SNTG2: variants seen among roughly 807,000 people sequenced by gnomAD.
The protein encoded by SNTG2 is gamma-2-syntrophin.
SNTG2 carries 74 observed loss-of-function variants against 70.9 expected under a neutral mutation model. The ratio of observed to expected loss-of-function variants is 1.04; its 90% CI spans 0.86 to 1.27. The LOEUF (loss-of-function observed/expected upper bound fraction) is 1.27, where lower values mean the gene tolerates loss of function less well. Among genes scored for constraint, SNTG2 ranks in the 50% most tolerant of loss-of-function variants. SNTG2 has a pLI of 0.00. For missense variants in SNTG2, 717 were observed against 690.7 expected (o/e 1.04, Z -0.43); for synonymous variants, 278 against 273.8 (o/e 1.02, Z -0.15).
At chr2:1,143,599 T>C (rs1668894815) in intron 6 of SNTG2, among the ~76,000 whole-genome samples, 1 of 151,556 alleles carries the variant, frequency 6.6e-6, no homozygotes, top group South Asian at 2.1e-4. Context: ...CCAATGTCAG[T>C]GACTCACTCC....
intron 14 of SNTG2, among the ~76,000 whole-genome samples, chr2:1,298,399 G>T (rs933060725): frequency 6.6e-6 from 1 of 152,188 alleles, no homozygotes; most frequent in African/African-American, 2.4e-5. Flanking sequence ...CTCCCAAAGT[G>T]CTGGGATTAC....
intron 1 of SNTG2, among the ~76,000 whole-genome samples, chr2:973,485 T>C (rs1660810730): frequency 6.6e-6 from 1 of 151,934 alleles, no homozygotes. Context: ...ATTAACCTGT[T>C]TGGGATTCTC....
At chr2:1,184,791 G>A (rs540081923) in intron 8 of SNTG2, among the ~76,000 whole-genome samples, 2 of 152,280 alleles carry the variant, frequency 1.3e-5, no homozygotes, top group Admixed American at 1.3e-4. Flanking sequence ...TTTGGGCAGA[G>A]ACACAAATCC....
At chr2:1,143,446 C>T (rs1558450795) in intron 6 of SNTG2, among the ~76,000 whole-genome samples, 1 of 152,144 alleles carries the variant, frequency 6.6e-6, no homozygotes, top group South Asian at 2.1e-4. Context: ...ACTCTACCCA[C>T]TAGGATTTTG....
chr2:1,253,394 C>T (rs1677874503), intron 12 of SNTG2, among the ~76,000 whole-genome samples: 1 of 152,194 alleles, frequency 6.6e-6, no homozygotes, highest in Admixed American at 6.5e-5. Context: ...ACTCCCATGG[C>T]TGGGTCACTG....
In SNTG2 at chr2:1,267,349, A is replaced by T; in HGVS notation, c.1078-16A>T. 1.9e-6 allele frequency: 3 copies of T among 1,580,802 alleles called. No homozygotes were observed. Among genetic ancestry groups the T allele is most frequent in the Non-Finnish European group, 2.6e-6 (3 of 1,161,628 alleles). On this transcript the variant is annotated splice_polypyrimidine_tract_variant and intron_variant, in intron 13 of 16. Transcript: ENST00000308624. Reference sequence around the variant, plus strand: ...TTCCAGCGCTGCACGTTTCCAATCCATGCTCTGTTTTTCAGTTCTGGCTCA... The same window carrying T: ...TTCCAGCGCTGCACGTTTCCAATCCTTGCTCTGTTTTTCAGTTCTGGCTCA...
At chr2:1,002,893 T>C (rs1312968341) in intron 1 of SNTG2, among the ~76,000 whole-genome samples, 1 of 151,434 alleles carries the variant, frequency 6.6e-6, no homozygotes, top group African/African-American at 2.4e-5. Context: ...GTTATATATA[T>C]ATATATATTT....
intron 1 of SNTG2, among the ~76,000 whole-genome samples, chr2:1,025,285 G>T (rs925003716): frequency 1.3e-5 from 2 of 152,156 alleles, no homozygotes; most frequent in African/African-American, 4.8e-5. Flanking sequence ...AGCACAGGAC[G>T]GGGTGAGGGT....
At chr2:1,299,106 G>A (rs558105248) in intron 14 of SNTG2, among the ~76,000 whole-genome samples, 3 of 152,282 alleles carry the variant, frequency 2.0e-5, no homozygotes, top group Admixed American at 2.0e-4. Flanking sequence ...AGAGAACCCT[G>A]ACTAATACAA....
intron 11 of SNTG2, among the ~76,000 whole-genome samples, chr2:1,246,365 A>G (rs1677427704): frequency 6.6e-6 from 1 of 152,198 alleles, no homozygotes; most frequent in African/African-American, 2.4e-5. Flanking sequence ...TGGTTTATCA[A>G]GTAAATATCA....
intron 6 of SNTG2, among the ~76,000 whole-genome samples, chr2:1,162,995 C>A (rs1182027970): frequency 6.6e-6 from 1 of 152,178 alleles, no homozygotes; most frequent in Non-Finnish European, 1.5e-5. Flanking sequence ...GCAGAAGAGG[C>A]CTGACTCAGC....
chr2:1,039,171 T>G (rs1308740551), intron 1 of SNTG2, among the ~76,000 whole-genome samples: 1 of 152,250 alleles, frequency 6.6e-6, no homozygotes, highest in Non-Finnish European at 1.5e-5. Flanking sequence ...TTTTGACAAC[T>G]TCAACAGTAG....
Position 978,265 on chromosome 2 carries a change from T to C in SNTG2, c.72+27197T>C, listed in dbSNP as rs572600507. Among the ~76,000 whole-genome samples the C allele has an allele frequency of 5.3e-5, 8 of 152,338 alleles. No homozygotes were observed. The South Asian group carries it at 1.0e-3, about 20-fold the overall frequency. On this transcript the variant is annotated intron_variant, in intron 1 of 16. Coordinates refer to ENST00000308624, the MANE Select transcript of SNTG2 (RefSeq NM_018968.4). ...AGTTGGGGTGTCTGTTCCCACACTT[T>C]ATCATAGCTCAGTATACGTGGAAAA...
intron 1 of SNTG2, among the ~76,000 whole-genome samples, chr2:1,081,409 G>A (rs1206264598): frequency 6.6e-6 from 1 of 152,200 alleles, no homozygotes; most frequent in African/African-American, 2.4e-5. Flanking sequence ...TTTCCCAGTC[G>A]AGTGTTCACT....
At chr2:1,273,475 C>G (rs907854885) in intron 14 of SNTG2, among the ~76,000 whole-genome samples, 4 of 152,002 alleles carry the variant, frequency 2.6e-5, no homozygotes, top group African/African-American at 9.7e-5. Context: ...CCACTCCTAC[C>G]GTACTATCAA....
At chr2:1,240,583 A>G (rs1200735049) in intron 11 of SNTG2, among the ~76,000 whole-genome samples, 1 of 152,236 alleles carries the variant, frequency 6.6e-6, no homozygotes, top group Non-Finnish European at 1.5e-5. Flanking sequence ...ACTGAGAAAA[A>G]CATGTTCGCT....
At chr2:951,209 GGTGGGCGCCGGAGCCCCGGGACGCA>G (rs1282730717) in intron 1 of SNTG2, 141 bp downstream of exon 1, 11 of 417,840 alleles carry the variant, frequency 2.6e-5, no homozygotes, top group African/African-American at 2.1e-4. Flanking sequence ...CTGGCCGGAG[GGTGGGCGCCGGAGCCCCGGGACGCA>G]GTGGGCACCC....
intron 1 of SNTG2, among the ~76,000 whole-genome samples, chr2:1,070,442 A>C (rs1048757557): frequency 6.6e-6 from 1 of 152,212 alleles, no homozygotes; most frequent in Non-Finnish European, 1.5e-5. Context: ...TGAGGGTTAA[A>C]TGGAATAATG....
At chr2:1,004,010 C>G (rs996781712) in intron 1 of SNTG2, among the ~76,000 whole-genome samples, 1 of 152,180 alleles carries the variant, frequency 6.6e-6, no homozygotes, top group Non-Finnish European at 1.5e-5. Context: ...TGAATTACTT[C>G]ATTTGGGAAG....
Sources: gnomAD v4.1 joint callset for allele counts (sites outside exome capture counted in the v4.1 genomes callset) on GRCh38, gnomAD v4.1.1 for gene constraint, MANE v1.5 for transcripts, NCBI Gene and HGNC (gene_info 2026-07-23, HGNC 2026-07-21) for gene names.